Variants in PTPRT observed in about 807,000 individuals in gnomAD.
PTPRT encodes protein tyrosine phosphatase receptor type T, also known as receptor-type tyrosine-protein phosphatase T.
A neutral mutation model predicts 176.8 loss-of-function variants in PTPRT; 56 were observed. The observed-to-expected ratio is 0.32, with a 90% CI of 0.26 to 0.40. The LOEUF is 0.40. Ranked by LOEUF, PTPRT falls within the 10% of genes least tolerant of loss-of-function variation. The pLI is 1.00. For synonymous variants in PTPRT, 783 were observed against 739.0 expected (o/e 1.06, Z -0.96); for missense variants, 1,540 against 1,908.2 (o/e 0.81, Z 3.60).
intron 4 of PTPRT, among the ~76,000 whole-genome samples, chr20:42,776,647 T>C (rs908082745): frequency 2.6e-5 from 4 of 151,944 alleles, no homozygotes; most frequent in African/African-American, 7.2e-5. Flanking sequence ...GGTTTTGTTA[T>C]AGCAGCTTTA....
At chr20:43,140,508 G>A (rs536805049) in intron 1 of PTPRT, among the ~76,000 whole-genome samples, 46 of 151,196 alleles carry the variant, frequency 3.0e-4, no homozygotes, top group African/African-American at 6.6e-4. Context: ...ATACATGCAC[G>A]TGTGTGTAAG....
At chr20:42,421,551 T>C (rs2059119209) in intron 9 of PTPRT, among the ~76,000 whole-genome samples, 1 of 151,876 alleles carries the variant, frequency 6.6e-6, no homozygotes, top group Admixed American at 6.6e-5. Flanking sequence ...TGACAGGGTG[T>C]GTGTGTGTGT....
rs1472140270 is a variant in PTPRT at position 43,189,801 on chromosome 20, G to A, written c.-68C>T. 1.1e-6 allele frequency: 1 copy of A among 897,408 alleles called. No individual in the cohort carries two copies. Among genetic ancestry groups the A allele is most frequent in the Non-Finnish European group, 1.4e-6 (1 of 739,044 alleles). The allele number at this position is 897,408 out of a possible 1,614,324, so 55.6% of individuals were successfully genotyped here. A position where few individuals can be genotyped will look rare whatever the true frequency, so the allele number is the denominator to read the frequency against. ...GGGCCGGGACTGGGGCGGGCGCGGG[G>A]TGGCCCCGCATCGCCGGCGCGGCCG... On this transcript the variant is annotated 5_prime_UTR_variant, in exon 1 of 31. Coordinates refer to ENST00000373187, the MANE Select transcript of PTPRT (RefSeq NM_007050.6). This position sits in a 1 kb window ranked among gnomAD's most constrained non-coding sequence, Gnocchi z 5.0.
chr20:42,172,806 A>G (rs941994396), intron 16 of PTPRT, among the ~76,000 whole-genome samples: 3 of 138,098 alleles, frequency 2.2e-5, no homozygotes, highest in Non-Finnish European at 4.9e-5. Flanking sequence ...AGAAATGGTT[A>G]CATCACAAGG....
chr20:43,087,363 C>T (rs201277953), intron 1 of PTPRT, among the ~76,000 whole-genome samples: 2 of 50,370 alleles, frequency 4.0e-5, no homozygotes. Context: ...ACTGTCCGTC[C>T]TTTTTTTTTT....
At chr20:42,382,423 G>T (rs1298099372) in intron 9 of PTPRT, among the ~76,000 whole-genome samples, 1 of 152,146 alleles carries the variant, frequency 6.6e-6, no homozygotes, top group Non-Finnish European at 1.5e-5. Context: ...TTCTGCCTGG[G>T]TACACCATTG....
intron 1 of PTPRT, among the ~76,000 whole-genome samples, chr20:42,894,743 T>G (rs779498784): frequency 9.9e-5 from 15 of 152,216 alleles, no homozygotes; most frequent in Non-Finnish European, 1.9e-4. Flanking sequence ...CCAGTCTGCA[T>G]GCCTTCTGCC....
intron 2 of PTPRT, among the ~76,000 whole-genome samples, chr20:42,798,754 T>C (rs1176172324): frequency 1.3e-5 from 2 of 152,156 alleles, no homozygotes; most frequent in African/African-American, 4.8e-5. Flanking sequence ...GACCGGTAAG[T>C]TGGGGTTTCA....
At chr20:42,279,582 G>C (rs2057104499) in intron 13 of PTPRT, among the ~76,000 whole-genome samples, 1 of 152,222 alleles carries the variant, frequency 6.6e-6, no homozygotes, top group Non-Finnish European at 1.5e-5. Flanking sequence ...AGCAGCCACA[G>C]GAAACTAATA....
At chr20:42,910,640 G>C (rs747186158) in intron 1 of PTPRT, among the ~76,000 whole-genome samples, 1 of 152,098 alleles carries the variant, frequency 6.6e-6, no homozygotes, top group Admixed American at 6.5e-5. Context: ...AGCCTCTAGG[G>C]AACCCCTTTT....
At chr20:42,953,888 G>C (rs563654942) in intron 1 of PTPRT, among the ~76,000 whole-genome samples, 2 of 152,284 alleles carry the variant, frequency 1.3e-5, no homozygotes, top group South Asian at 4.1e-4. Context: ...GATATCATTA[G>C]TACCCCTTTC....
At chr20:42,282,862 G>A (rs1218322590) in intron 12 of PTPRT, among the ~76,000 whole-genome samples, 2 of 152,254 alleles carry the variant, frequency 1.3e-5, no homozygotes, top group Middle Eastern at 3.4e-3. Context: ...GGTACTTGGG[G>A]TATGCAATGT....
intron 16 of PTPRT, among the ~76,000 whole-genome samples, chr20:42,190,416 G>A (rs548268388): frequency 6.6e-6 from 1 of 152,222 alleles, no homozygotes; most frequent in South Asian, 2.1e-4. Flanking sequence ...CACCCTTCAG[G>A]TCCAGTACTC....
intron 19 of PTPRT, among the ~76,000 whole-genome samples, chr20:42,128,215 T>A (rs1291439690): frequency 6.6e-6 from 1 of 152,196 alleles, no homozygotes; most frequent in East Asian, 1.9e-4. Flanking sequence ...TTGGTTCACA[T>A]CATATTTTGC....
At position 42,460,690 on chromosome 20, in the gene PTPRT, A is replaced by G. The variant is rs1042546313; in HGVS notation, c.1450+11576T>C. On this transcript the variant is annotated intron_variant, in intron 8 of 30. Coordinates refer to ENST00000373187, the MANE Select transcript of PTPRT (RefSeq NM_007050.6). ...AGTTCTCAGGAGATCTGATGTTATT[A>G]TAAGTGTTTGGTAGTTTCTCCAACG... Among the ~76,000 whole-genome samples the G allele has an allele frequency of 2.6e-5, 4 of 152,306 alleles. No individual in the cohort carries two copies. In the East Asian group the frequency reaches 7.7e-4, roughly 29 times the overall value.
chr20:42,553,097 A>T (rs1198958633), intron 7 of PTPRT, among the ~76,000 whole-genome samples: 1 of 152,182 alleles, frequency 6.6e-6, no homozygotes, highest in African/African-American at 2.4e-5. Flanking sequence ...TTTACCTGAA[A>T]GAATCATGTG....
At chr20:42,963,116 G>A (rs1000341779) in intron 1 of PTPRT, among the ~76,000 whole-genome samples, 2 of 152,016 alleles carry the variant, frequency 1.3e-5, no homozygotes, top group Admixed American at 6.6e-5. Context: ...GGAGAATGGC[G>A]TGAACCCGGG....
At chr20:42,186,277 G>T (rs983339995) in intron 16 of PTPRT, among the ~76,000 whole-genome samples, 2 of 151,972 alleles carry the variant, frequency 1.3e-5, no homozygotes, top group African/African-American at 4.8e-5. Context: ...CATAGGAAAT[G>T]CATGAACAAA....
chr20:42,555,239 G>T (rs1184352469), intron 7 of PTPRT, among the ~76,000 whole-genome samples: 1 of 152,160 alleles, frequency 6.6e-6, no homozygotes, highest in Non-Finnish European at 1.5e-5. Flanking sequence ...ATCATCCATT[G>T]TTTATCTTCA....
Sources: allele counts gnomAD v4.1 joint callset (sites outside exome capture counted in the v4.1 genomes callset), GRCh38; gene constraint gnomAD v4.1.1; non-coding constraint Gnocchi (gnomAD v3.1); transcripts MANE v1.5; gene names NCBI Gene and HGNC (gene_info 2026-07-23, HGNC 2026-07-21).